SGSH: variants seen among roughly 807,000 people sequenced by gnomAD.
The protein encoded by SGSH is heparan sulfate sulfatase.
SGSH carries 48 observed loss-of-function variants against 51.0 expected under a neutral mutation model. The ratio of observed to expected loss-of-function variants is 0.94; its 90% CI spans 0.75 to 1.20. The LOEUF (loss-of-function observed/expected upper bound fraction) is 1.20. Among genes scored for constraint, SGSH ranks in the 50% most tolerant of loss-of-function variants. The pLI is 0.00. For synonymous variants in SGSH, 321 were observed against 313.4 expected (o/e 1.02, Z -0.26); for missense variants, 662 against 717.8 (o/e 0.92, Z 0.89).
downstream of SGSH, chr17:80,203,093 C>A (rs559259425): frequency 6.6e-6 from 1 of 152,328 alleles, no homozygotes; most frequent in South Asian, 2.1e-4. This position sits in a 1 kb window ranked among gnomAD's most constrained non-coding sequence, Gnocchi z 4.6. Flanking sequence ...CCTGGTGAAA[C>A]CCTGTCTCTA....
chr17:80,201,793 C>T (rs141847758), downstream of SGSH: 67 of 1,613,842 alleles, frequency 4.2e-5, no homozygotes, highest in African/African-American at 6.7e-4. This position sits in a 1 kb window ranked among gnomAD's most constrained non-coding sequence, Gnocchi z 5.0. Flanking sequence ...CTGGAGGACA[C>T]GACCCTGGAG....
downstream of SGSH, chr17:80,206,874 G>C (rs2041347707): frequency 2.7e-6 from 2 of 732,326 alleles, no homozygotes; most frequent in Admixed American, 5.7e-5. Context: ...CCTGCCCTCA[G>C]CCTGTCCGGA....
downstream of SGSH, chr17:80,203,832 C>A (rs911229392): frequency 3.8e-5 from 60 of 1,582,136 alleles, no homozygotes; most frequent in Non-Finnish European, 5.1e-5. This position sits in a 1 kb window ranked among gnomAD's most constrained non-coding sequence, Gnocchi z 4.6. Flanking sequence ...GGCTCAGCAG[C>A]AGCTCATAGC....
chr17:80,208,205 G>A (rs941457666), downstream of SGSH: 14 of 1,555,746 alleles, frequency 9.0e-6, no homozygotes, highest in African/African-American at 1.8e-4. Flanking sequence ...GGAGGAGGGA[G>A]ACCTGGACCG....
At position 80,212,462 on chromosome 17, in the gene SGSH, C is replaced by T; in HGVS notation, c.746-188G>A. On this transcript the variant is annotated intron_variant, in intron 6 of 7. Coordinates refer to ENST00000326317, the MANE Select transcript of SGSH (RefSeq NM_000199.5). The surrounding 1 kb of genome is among the most constrained non-coding windows in gnomAD (Gnocchi z 5.9). Reference sequence around the variant, plus strand: ...AGCTCTTGCCCAGCTCCGCCCAGCTCCCATTCCCTGAGCAGGCCTCGAATG... The same window carrying T: ...AGCTCTTGCCCAGCTCCGCCCAGCTTCCATTCCCTGAGCAGGCCTCGAATG... The T allele has an allele frequency of 1.5e-6, 1 of 652,088 alleles. No homozygotes were observed. The highest frequency in any genetic ancestry group is 2.1e-5 in the Admixed American group (1 of 46,716). The allele number at this position is 652,088 out of a possible 1,614,324, so 40.4% of individuals were successfully genotyped here.
chr17:80,216,400 CAG>C (rs970456519), intron 2 of SGSH, among the ~76,000 whole-genome samples: 2 of 151,760 alleles, frequency 1.3e-5, no homozygotes, highest in Non-Finnish European at 2.9e-5. Context: ...TTCATAGAGA[CAG>C]GGGATGGGGA....
chr17:80,209,466 C>T lies in SGSH; in HGVS notation c.*986G>A. The T allele has an allele frequency of 1.0e-6, 1 of 985,624 alleles. No individual in the cohort carries two copies. The highest frequency in any genetic ancestry group is 1.7e-5 in the African/African-American group (1 of 57,356). The allele number at this position is 985,624 out of a possible 1,614,324, so 61.1% of individuals were successfully genotyped here. On this transcript the variant is annotated 3_prime_UTR_variant, in exon 8 of 8. Coordinates refer to ENST00000326317, the MANE Select transcript of SGSH (RefSeq NM_000199.5). ...GCCGAGGGGTGTCCAGGCCGGGCTT[C>T]TGCTCCCGAGGTGGGTGGAGGCAGG...
downstream of SGSH, chr17:80,205,577 C>T (rs772829777): frequency 1.3e-6 from 2 of 1,575,954 alleles, no homozygotes; most frequent in East Asian, 4.6e-5. Flanking sequence ...AGAGAGGGGA[C>T]ATCATCCAGG....
chr17:80,213,308 C>T lies in SGSH; in HGVS notation c.745+496G>A. Reference sequence around the variant, plus strand: ...CTGCCGCCAGCCCAGGAACGCCCAGCACTGGCACAGCCCCCAGAAGTTGGA... The same window carrying T: ...CTGCCGCCAGCCCAGGAACGCCCAGTACTGGCACAGCCCCCAGAAGTTGGA... On this transcript the variant is annotated intron_variant, in intron 6 of 7. Transcript: ENST00000326317. The surrounding 1 kb of genome is among the most constrained non-coding windows in gnomAD (Gnocchi z 4.6). The T allele has an allele frequency of 6.3e-6, 1 of 158,038 alleles. No homozygotes were observed. The highest frequency in any genetic ancestry group is 1.4e-5 in the Non-Finnish European group (1 of 71,908). 9.8% of individuals were successfully genotyped at this position (158,038 alleles called of 1,614,324 possible). A position where few individuals can be genotyped will look rare whatever the true frequency, so the allele number is the denominator to read the frequency against.
Position 80,209,866 on chromosome 17 carries a change from T to C in SGSH, c.*586A>G, listed in dbSNP as rs890678423. On this transcript the variant is annotated 3_prime_UTR_variant, in exon 8 of 8. Coordinates refer to ENST00000326317, the MANE Select transcript of SGSH (RefSeq NM_000199.5). ...TGCCTGGGGAACAGGGACTTGACCA[T>C]GGGGCAAAACAGAAGAAGCAGAAAC... 6 of 989,096 alleles carry C rather than the reference T, an allele frequency of 6.1e-6. No homozygotes were observed. Among genetic ancestry groups the C allele is most frequent in the Admixed American group, 5.8e-5 (1 of 17,188 alleles). 61.3% of individuals were successfully genotyped at this position (989,096 alleles called of 1,614,324 possible).
At chr17:80,202,677 A>G, downstream of SGSH, 1 of 1,221,792 alleles carries the variant, frequency 8.2e-7, no homozygotes, top group East Asian at 3.1e-5. Context: ...TAGCTTTGGT[A>G]CCATGGACGT....
chr17:80,202,299 A>G (rs952825868), downstream of SGSH: 1 of 1,613,800 alleles, frequency 6.2e-7, no homozygotes, highest in Non-Finnish European at 8.5e-7. Flanking sequence ...GGTGCATTGC[A>G]ACGAGGTCCT....
chr17:80,204,323 G>A (rs1276629687), downstream of SGSH: 2 of 1,582,796 alleles, frequency 1.3e-6, no homozygotes, highest in Non-Finnish European at 1.7e-6. Flanking sequence ...GGGCCAGTTG[G>A]ACCCCAGCAG....
At position 80,211,117 on chromosome 17, in the gene SGSH, A is replaced by C. The variant is rs966125156; in HGVS notation, c.950-106T>G. On this transcript the variant is annotated intron_variant, in intron 7 of 7. Transcript: ENST00000326317. ...TCTGGGCGGCTCCCTTCTCCAATCCAATCAGCAGCGGGAGGTGCCTTGTCG... is the reference window on the plus strand; with the variant it reads ...TCTGGGCGGCTCCCTTCTCCAATCCCATCAGCAGCGGGAGGTGCCTTGTCG... 1.6e-5 allele frequency: 25 copies of C among 1,539,810 alleles called. No homozygotes were observed. In the Admixed American group the frequency reaches 3.3e-4, roughly 20 times the overall value.
At chr17:80,201,887 T>C (rs1198880344), downstream of SGSH, 8 of 1,600,130 alleles carry the variant, frequency 5.0e-6, no homozygotes, top group African/African-American at 1.1e-4. This position sits in a 1 kb window ranked among gnomAD's most constrained non-coding sequence, Gnocchi z 5.0. Flanking sequence ...ATACCACTCC[T>C]CTCGTGTGCA....
At chr17:80,206,961 C>T (rs2144605822), downstream of SGSH, 2 of 1,601,794 alleles carry the variant, frequency 1.2e-6, no homozygotes, top group Non-Finnish European at 1.7e-6. Context: ...TTCTCTCCCT[C>T]CCACAAAGAA....
At chr17:80,205,030 C>A, downstream of SGSH, 1 of 1,574,490 alleles carries the variant, frequency 6.4e-7, no homozygotes, top group East Asian at 2.3e-5. Context: ...TCCTCTCCTC[C>A]ACAGGCTCCA....
chr17:80,205,029 CCACAGGCTCCAG>C, downstream of SGSH: 1 of 1,573,264 alleles, frequency 6.4e-7, no homozygotes, highest in Non-Finnish European at 8.6e-7. Flanking sequence ...ATCCTCTCCT[CCACAGGCTCCAG>C]CACGTGCTTC....
downstream of SGSH, chr17:80,202,237 T>A (rs775775703): frequency 6.2e-7 from 1 of 1,614,028 alleles, no homozygotes; most frequent in Non-Finnish European, 8.5e-7. Flanking sequence ...GGGGACTCAT[T>A]CTACATCCGG....
Sources: gnomAD v4.1 joint callset for allele counts (sites outside exome capture counted in the v4.1 genomes callset) on GRCh38, gnomAD v4.1.1 for gene constraint, Gnocchi (gnomAD v3.1) non-coding constraint, MANE v1.5 for transcripts, NCBI Gene and HGNC (gene_info 2026-07-23, HGNC 2026-07-21) for gene names.